The following LRRK2 variants were observed in gnomAD, a reference collection of about 807,000 sequenced individuals.
LRRK2 encodes the protein leucine-rich repeat serine/threonine-protein kinase 2.
LRRK2 carries 203 observed loss-of-function variants against 302.6 expected under a neutral mutation model. The observed-to-expected ratio is 0.67, with a 90% CI of 0.60 to 0.75. The LOEUF is 0.75. Ranked by LOEUF, LRRK2 falls within the 30% of genes least tolerant of loss-of-function variation. The pLI is 0.00. For synonymous variants in LRRK2, 1,066 were observed against 1,031.9 expected (o/e 1.03, Z -0.63); for missense variants, 2,830 against 2,951.0 (o/e 0.96, Z 0.95).
At chr12:40,331,820 G>A (rs1311880697) in intron 39 of LRRK2, among the ~76,000 whole-genome samples, 1 of 152,088 alleles carries the variant, frequency 6.6e-6, no homozygotes, top group Non-Finnish European at 1.5e-5. Context: ...GTCATGGGAG[G>A]TACTCACCAT....
Position 40,257,346 on chromosome 12 carries a change from T to C in LRRK2, c.1387T>C (p.Cys463Arg). 6.2e-7 allele frequency: 1 copy of C among 1,613,026 alleles called. No individual in the cohort carries two copies. Residue 463 changes from cysteine (C) to arginine (R), a missense_variant, in exon 12 of 51, where the codon TGT becomes CGT. By Grantham distance (180) the Cys-to-Arg change is radical. Transcript: ENST00000298910. ...TTCTCCTGAAGTGGCTGAAAGTGGC[T>C]GTAAAATGCTAAATCATCTTTTTGA... ...IHSPEVAESG[C>R]KMLNHLFEGS...
chr12:40,302,896 T>C lies in LRRK2; in HGVS notation c.3590+14T>C. On this transcript the variant is annotated intron_variant, in intron 26 of 50. Coordinates refer to ENST00000298910, the MANE Select transcript of LRRK2 (RefSeq NM_198578.4). ...AAATCTTCCACAGTAAGTTTATTGT[T>C]ATTTTAATTTTAAAAGCACATTAGC... The C allele has an allele frequency of 6.7e-7, 1 of 1,495,424 alleles. No individual in the cohort carries two copies. Among genetic ancestry groups the C allele is most frequent in the South Asian group, 1.1e-5 (1 of 88,296 alleles). 92.6% of individuals were successfully genotyped at this position (1,495,424 alleles called of 1,614,324 possible).
chr12:40,255,543 G>A (rs1942465136), intron 11 of LRRK2, among the ~76,000 whole-genome samples: 1 of 152,150 alleles, frequency 6.6e-6, no homozygotes, highest in Non-Finnish European at 1.5e-5. Context: ...TTACTGTCTA[G>A]GATAGTGATT....
chr12:40,264,225 G>A (rs181316866), intron 14 of LRRK2, among the ~76,000 whole-genome samples: 1 of 152,166 alleles, frequency 6.6e-6, no homozygotes, highest in African/African-American at 2.4e-5. Context: ...GTCATGCTGG[G>A]TACTATGGCT....
intron 8 of LRRK2, among the ~76,000 whole-genome samples, chr12:40,250,966 C>T (rs1942239924): frequency 6.7e-6 from 1 of 149,304 alleles, no homozygotes. Context: ...CTGTGATGAA[C>T]TAATCTTTTC....
intron 5 of LRRK2, 55 bp downstream of exon 5, chr12:40,238,158 T>C: frequency 6.5e-7 from 1 of 1,534,682 alleles, no homozygotes; most frequent in Admixed American, 1.8e-5. Flanking sequence ...AGGCTTATAC[T>C]GGGAAAAGTA....
At chr12:40,270,423 T>C (rs1259147240) in intron 14 of LRRK2, among the ~76,000 whole-genome samples, 1 of 152,202 alleles carries the variant, frequency 6.6e-6, no homozygotes, top group Non-Finnish European at 1.5e-5. Context: ...ATCTTTTAGT[T>C]GTCTGAATTT....
intron 2 of LRRK2, among the ~76,000 whole-genome samples, chr12:40,228,220 C>A (rs1041992308): frequency 2.0e-5 from 3 of 152,100 alleles, no homozygotes; most frequent in African/African-American, 7.2e-5. Flanking sequence ...CACCATTCCC[C>A]TTTTTCTGCA....
rs771487603 is a variant in LRRK2 at position 40,320,080 on chromosome 12, A to T, written c.4920A>T (p.Lys1640Asn). 1 of 1,611,614 alleles carries T rather than the reference A, an allele frequency of 6.2e-7. No individual in the cohort carries two copies. The highest frequency in any genetic ancestry group is 1.1e-5 in the South Asian group (1 of 90,534). Residue 1640 changes from lysine (K) to asparagine (N), a missense_variant, in exon 34 of 51, where the codon AAA becomes AAT. Coordinates refer to ENST00000298910, the MANE Select transcript of LRRK2 (RefSeq NM_198578.4). Reference sequence around the variant, plus strand: ...AAAAATTTCTTTCAAAAAAAAGGAAATTTCCAAAGAACTACATGTCACAGT... The same window carrying T: ...AAAAATTTCTTTCAAAAAAAAGGAATTTTCCAAAGAACTACATGTCACAGT... Reference protein sequence around the residue: ...DVEKFLSKKRKFPKNYMSQYF... With the variant: ...DVEKFLSKKRNFPKNYMSQYF...
intron 49 of LRRK2, chr12:40,365,803 TG>T (rs1946862042): frequency 6.6e-6 from 1 of 151,970 alleles, no homozygotes; most frequent in African/African-American, 2.4e-5. Context: ...GAGGAACATG[TG>T]TTTTTCTAGC....
intron 25 of LRRK2, 110 bp from the exon 26 acceptor site, chr12:40,302,679 G>C: frequency 5.0e-6 from 4 of 804,288 alleles, no homozygotes; most frequent in Non-Finnish European, 6.5e-6. Flanking sequence ...GTCAGTGTGA[G>C]AATGGAAATC....
intron 14 of LRRK2, among the ~76,000 whole-genome samples, chr12:40,266,660 C>A (rs1943029107): frequency 6.6e-6 from 1 of 151,982 alleles, no homozygotes; most frequent in Non-Finnish European, 1.5e-5. Context: ...GGGTATATAC[C>A]CAAAGGATTA....
At chr12:40,316,700 A>G (rs1945234048) in intron 33 of LRRK2, among the ~76,000 whole-genome samples, 1 of 152,092 alleles carries the variant, frequency 6.6e-6, no homozygotes, top group Non-Finnish European at 1.5e-5. Context: ...TATTGGATCT[A>G]TTTGGCAATT....
chr12:40,300,943 A>C, intron 25 of LRRK2: 2 of 470,996 alleles, frequency 4.2e-6, no homozygotes, highest in Admixed American at 2.3e-5. Flanking sequence ...AAGCTTGTGT[A>C]TGGTCAGTGT....
rs200108182 is a variant in LRRK2 at position 40,310,445 on chromosome 12, T to C, written c.4332T>C (p.Ser1444=). The change falls in exon 31 of 51, where the codon TCT becomes TCC. Residue 1444 remains serine (S), a synonymous_variant. Transcript: ENST00000298910. Reference sequence around the variant, plus strand: ...TTTCCCTCCAGGCTCGCGCTTCTTCTTCCCCTGTGATTCTCGTTGGCACAC... The same window carrying C: ...TTTCCCTCCAGGCTCGCGCTTCTTCCTCCCCTGTGATTCTCGTTGGCACAC... The part of the protein sequence containing the change: ...WLFNIKARAS[S]SPVILVGTHL... 38 of 1,613,314 alleles carry C rather than the reference T, an allele frequency of 2.4e-5. No individual in the cohort carries two copies. The highest frequency in any genetic ancestry group is 2.5e-6 in the Non-Finnish European group (3 of 1,179,800).
chr12:40,304,088 G>A lies in LRRK2; in HGVS notation c.3731G>A (p.Trp1244Ter). ...GACTTGAGTGAAAAAGCATATTTAT[G>A]GTCTAGAGTAGAGAAACTGCATCTT... ...ILDLSEKAYL[W>*]SRVEKLHLSH... Residue 1244 changes from tryptophan (W) to a stop codon, truncating the protein, a stop_gained, in exon 27 of 51, where the codon TGG becomes TAG. Transcript: ENST00000298910. LOFTEE classifies it high-confidence loss of function. 3.1e-6 allele frequency: 5 copies of A among 1,613,368 alleles called. No individual in the cohort carries two copies. The highest frequency in any genetic ancestry group is 4.2e-6 in the Non-Finnish European group (5 of 1,179,634).
chr12:40,309,341 C>T, intron 30 of LRRK2, 108 bp downstream of exon 30: 1 of 1,352,922 alleles, frequency 7.4e-7, no homozygotes, highest in Non-Finnish European at 9.9e-7. Context: ...GCTTCAGTCT[C>T]TTTAAATACT....
intron 31 of LRRK2, among the ~76,000 whole-genome samples, chr12:40,311,804 G>T (rs1056351483): frequency 3.3e-5 from 5 of 151,902 alleles, no homozygotes; most frequent in Non-Finnish European, 5.9e-5. Context: ...GTTATTAAAA[G>T]GTTTTATTGA....
intron 12 of LRRK2, among the ~76,000 whole-genome samples, chr12:40,257,965 G>A (rs1942598111): frequency 6.6e-6 from 1 of 152,012 alleles, no homozygotes; most frequent in Non-Finnish European, 1.5e-5. Flanking sequence ...GGTGTGGGCA[G>A]AACTCTCATG....
Sources: allele counts gnomAD v4.1 joint callset (sites outside exome capture counted in the v4.1 genomes callset), GRCh38; gene constraint gnomAD v4.1.1; transcripts MANE v1.5; gene names NCBI Gene and HGNC (gene_info 2026-07-23, HGNC 2026-07-21).